Variants in KAZN observed in about 807,000 individuals in gnomAD.
The protein encoded by KAZN is kazrin.
A neutral mutation model predicts 87.4 loss-of-function variants in KAZN; 40 were observed. The observed-to-expected ratio is 0.46, with a 90% CI of 0.36 to 0.60. The LOEUF is 0.60. KAZN is among the 20% of genes least tolerant of loss of function. The pLI is 0.00. For missense variants in KAZN, 898 were observed against 1,073.9 expected (o/e 0.84, Z 2.29); for synonymous variants, 466 against 458.3 (o/e 1.02, Z -0.22).
intron 2 of KAZN, among the ~76,000 whole-genome samples, chr1:14,229,022 G>A (rs1647554713): frequency 1.3e-5 from 2 of 152,242 alleles, no homozygotes; most frequent in African/African-American, 4.8e-5. Flanking sequence ...TTCAACTGAA[G>A]CAAGTCCAAA....
chr1:14,493,758 ATTCTGGGAGAGC>A (rs1669802227), intron 2 of KAZN, among the ~76,000 whole-genome samples: 1 of 152,166 alleles, frequency 6.6e-6, no homozygotes, highest in African/African-American at 2.4e-5. Flanking sequence ...CTTGTTCTGC[ATTCTGGGAGAGC>A]TTCTCAAATT....
chr1:15,101,435 C>CA, intron 10 of KAZN, 108 bp from the exon 11 acceptor site: 1 of 733,628 alleles, frequency 1.4e-6, no homozygotes, highest in South Asian at 1.7e-5. Context: ...GGTCCTCCCC[C>CA]AACCCCATTG....
Position 15,055,202 on chromosome 1 carries a change from C to T in KAZN, c.727-889C>T, listed in dbSNP as rs144008549. Reference sequence around the variant, plus strand: ...TGGTAAGAGTGTTCCTGGGGCCGGGCGCAGTGGCTCACACCTGTATTCCCA... The same window carrying T: ...TGGTAAGAGTGTTCCTGGGGCCGGGTGCAGTGGCTCACACCTGTATTCCCA... On this transcript the variant is annotated intron_variant, in intron 4 of 14. Transcript: ENST00000376030. 5.3e-3 allele frequency among the ~76,000 whole-genome samples: 812 copies of T among 152,246 alleles called. 11 individuals carry two copies. The highest frequency in any genetic ancestry group is 0.018 in the African/African-American group (744 of 41,542).
chr1:14,806,359 A>AT (rs1351590849), intron 1 of KAZN, among the ~76,000 whole-genome samples: 2 of 152,154 alleles, frequency 1.3e-5, no homozygotes, highest in Non-Finnish European at 2.9e-5. Flanking sequence ...TGCCGTGTTC[A>AT]TTTTTTTGAC....
rs545536564 is a variant in KAZN at position 14,614,802 on chromosome 1, G to C, written c.226+15579G>C. On this transcript the variant is annotated intron_variant, in intron 1 of 14. Transcript: ENST00000376030. ...GGGTTTTTGTATGAAAGATTTGTTT[G>C]AACAAACTAAGATGCTGATGCAGGG... Among the ~76,000 whole-genome samples, 261 of 152,340 alleles carry C rather than the reference G, an allele frequency of 1.7e-3. 2 individuals are homozygous for C. Among genetic ancestry groups the C allele is most frequent in the African/African-American group, 5.9e-3 (247 of 41,582 alleles).
chr1:14,754,245 G>A (rs139036979), intron 1 of KAZN, among the ~76,000 whole-genome samples: 3 of 152,322 alleles, frequency 2.0e-5, no homozygotes, highest in Admixed American at 6.5e-5. Context: ...ATTTATGTGG[G>A]ATACAGTGGG....
intron 1 of KAZN, among the ~76,000 whole-genome samples, chr1:14,015,289 A>G (rs1412436904): frequency 1.3e-5 from 2 of 151,942 alleles, no homozygotes; most frequent in Non-Finnish European, 2.9e-5. Context: ...GCCTAAGAGG[A>G]CAAAAATGCC....
intron 8 of KAZN, among the ~76,000 whole-genome samples, chr1:15,079,796 C>T (rs370750222): frequency 1.8e-4 from 27 of 152,272 alleles, no homozygotes; most frequent in African/African-American, 5.8e-4. Flanking sequence ...AGATGGGCTT[C>T]GGCTGCACTT....
chr1:14,385,619 G>A (rs141935734), intron 2 of KAZN, among the ~76,000 whole-genome samples: 11,229 of 152,076 alleles, frequency 0.074, 493 homozygotes, highest in East Asian at 0.14. Flanking sequence ...GTAGTTGAGC[G>A]GTTTTGAGTG....
At chr1:14,852,428 G>A (rs910520689) in intron 1 of KAZN, among the ~76,000 whole-genome samples, 7 of 152,242 alleles carry the variant, frequency 4.6e-5, no homozygotes, top group Non-Finnish European at 1.5e-5. Flanking sequence ...CGAATGAGGA[G>A]GAACCGGAGC....
intron 1 of KAZN, among the ~76,000 whole-genome samples, chr1:14,085,536 T>G (rs548485957): frequency 6.6e-6 from 1 of 152,370 alleles, no homozygotes; most frequent in South Asian, 2.1e-4. Context: ...GAAACTTTTG[T>G]GTCTACCTCC....
chr1:14,886,290 A>G (rs1654041668), intron 1 of KAZN, among the ~76,000 whole-genome samples: 1 of 152,030 alleles, frequency 6.6e-6, no homozygotes, highest in Non-Finnish European at 1.5e-5. Flanking sequence ...GGGCATGGTG[A>G]CATGCACCCG....
intron 8 of KAZN, among the ~76,000 whole-genome samples, chr1:15,075,197 A>T (rs938967834): frequency 2.9e-4 from 44 of 152,156 alleles, no homozygotes; most frequent in African/African-American, 9.7e-4. Context: ...GCAGGGCATC[A>T]GTGTCTGAAC....
chr1:14,283,480 T>C (rs192505610), intron 2 of KAZN, among the ~76,000 whole-genome samples: 19 of 152,298 alleles, frequency 1.2e-4, no homozygotes, highest in Admixed American at 1.1e-3. Flanking sequence ...CCAATAAATG[T>C]ATGAAAAGAT....
At chr1:14,715,933 T>C (rs1642769632) in intron 1 of KAZN, among the ~76,000 whole-genome samples, 1 of 152,198 alleles carries the variant, frequency 6.6e-6, no homozygotes. Flanking sequence ...CGCTGGAGTG[T>C]TTCTAAGGAT....
In KAZN at chr1:13,986,029, T is replaced by C. The variant is rs1022025129; in HGVS notation, c.91+92273T>C. Among the ~76,000 whole-genome samples the C allele has an allele frequency of 1.5e-4, 23 of 152,348 alleles. 1 individual carries two copies. Among genetic ancestry groups the C allele is most frequent in the Admixed American group, 1.2e-3 (19 of 15,306 alleles). On this transcript the variant is annotated intron_variant, in intron 1 of 16. Coordinates refer to the KAZN transcript ENST00000636203. Reference sequence around the variant, plus strand: ...TTTCATTTCTCTTGAAATACATATTTAGCAGTGAAGTTCCTGGGTCATATG... The same window carrying C: ...TTTCATTTCTCTTGAAATACATATTCAGCAGTGAAGTTCCTGGGTCATATG...
In KAZN at chr1:15,060,095, G is replaced by A. The variant is rs1056559221; in HGVS notation, c.917-77G>A. The A allele has an allele frequency of 2.8e-5, 44 of 1,574,008 alleles. No homozygotes were observed. In the African/African-American group the frequency reaches 5.8e-4, roughly 21 times the overall value. ...TCCCATCTGTAGAACGGGGGTGTTG[G>A]GTGGAATAACCGCCAAGGCAGCACA... On this transcript the variant is annotated intron_variant, in intron 5 of 14. Coordinates refer to ENST00000376030, the MANE Select transcript of KAZN (RefSeq NM_201628.3).
At chr1:14,732,103 G>GAACTACTGGCTC (rs1483941110) in intron 1 of KAZN, among the ~76,000 whole-genome samples, 2 of 152,216 alleles carry the variant, frequency 1.3e-5, no homozygotes, top group Non-Finnish European at 2.9e-5. Context: ...GACCCTGGGT[G>GAACTACTGGCTC]AACTACTGGC....
rs542322886 is a variant in KAZN, at chr1:14,667,236, C to T, written c.226+68013C>T. Among the ~76,000 whole-genome samples, 4 of 152,284 alleles carry T rather than the reference C, an allele frequency of 2.6e-5. No homozygotes were observed. In the South Asian group the frequency reaches 6.2e-4, roughly 24 times the overall value. On this transcript the variant is annotated intron_variant, in intron 1 of 14. Transcript: ENST00000376030. Reference sequence around the variant, plus strand: ...GGACAGATGAGGAAAGTGAAGCATACGGAGCCCTGGCTGTCCATGGAAATA... The same window carrying T: ...GGACAGATGAGGAAAGTGAAGCATATGGAGCCCTGGCTGTCCATGGAAATA...
Sources: gnomAD v4.1 joint callset for allele counts (sites outside exome capture counted in the v4.1 genomes callset) on GRCh38, gnomAD v4.1.1 for gene constraint, MANE v1.5 for transcripts, NCBI Gene and HGNC (gene_info 2026-07-23, HGNC 2026-07-21) for gene names.